Variants in BCORL1 observed in about 807,000 individuals in gnomAD.
The protein encoded by BCORL1 is BCL-6 corepressor-like protein 1.
A neutral mutation model predicts 87.6 loss-of-function variants in BCORL1; 7 were observed. The ratio of observed to expected loss-of-function variants is 0.08; its 90% CI spans 0.05 to 0.15. BCORL1 has a LOEUF of 0.15. Ranked by LOEUF, BCORL1 falls within the 10% of genes least tolerant of loss-of-function variation. BCORL1 has a pLI of 1.00. For synonymous variants in BCORL1, 591 were observed against 634.4 expected (o/e 0.93, Z 1.03); for missense variants, 1,215 against 1,499.7 (o/e 0.81, Z 3.13).
At chrX:130,017,361 A>T (rs891496784) in intron 4 of BCORL1, among the ~76,000 whole-genome samples, 3 of 110,528 alleles carry the variant, frequency 2.7e-5, no homozygotes, top group African/African-American at 9.9e-5. Context: ...AGAGCATATA[A>T]CGTTTGGCAG....
chrX:129,997,864 C>A (rs1285943737), intron 1 of BCORL1, among the ~76,000 whole-genome samples: 1 of 102,176 alleles, frequency 9.8e-6, no homozygotes, highest in Non-Finnish European at 2.0e-5. Context: ...TTCCCCTGTT[C>A]TGTAGTGTGG....
At chrX:130,010,268 G>A (rs1185169135) in intron 2 of BCORL1, among the ~76,000 whole-genome samples, 2 of 112,150 alleles carry the variant, frequency 1.8e-5, no homozygotes, top group Non-Finnish European at 3.8e-5. Flanking sequence ...TGGGGGAAGT[G>A]CTGCTTGTTT....
chrX:130,036,966 T>C (rs1930984250), intron 9 of BCORL1, among the ~76,000 whole-genome samples: 1 of 112,256 alleles, frequency 8.9e-6, no homozygotes, highest in South Asian at 3.7e-4. Flanking sequence ...GCCAACATAG[T>C]GAAATCTCAT....
chrX:130,026,334 G>A (rs1284915635), intron 7 of BCORL1, among the ~76,000 whole-genome samples: 1 of 112,179 alleles, frequency 8.9e-6, no homozygotes, highest in Non-Finnish European at 1.9e-5. Flanking sequence ...ATGCAAAGAC[G>A]GCTTAACCTC....
rs961199728 is a variant in BCORL1, at chrX:130,006,563, G to T, written c.86+1246G>T. Reference sequence around the variant, plus strand: ...TTTAGTAGAGACGGGGTTTCACCATGTTAGCCAGGATGGTCTCAATCTCCT... The same window carrying T: ...TTTAGTAGAGACGGGGTTTCACCATTTTAGCCAGGATGGTCTCAATCTCCT... On this transcript the variant is annotated intron_variant, in intron 2 of 13. Coordinates refer to ENST00000540052, the MANE Select transcript of BCORL1 (RefSeq NM_001379451.1). Among the ~76,000 whole-genome samples the T allele has an allele frequency of 2.7e-5, 3 of 110,642 alleles. No individual in the cohort carries two copies. In the East Asian group the frequency reaches 8.4e-4, roughly 31 times the overall value.
Position 129,995,576 on chromosome X carries a change from G to A in BCORL1, c.-44-9612G>A, listed in dbSNP as rs59056615. ...CTGCCTCAGCCTCCCGAGTAGCTGG[G>A]ATTACAGGCGCACACCACCATGCCC... On this transcript the variant is annotated intron_variant, in intron 1 of 13. Coordinates refer to ENST00000540052, the MANE Select transcript of BCORL1 (RefSeq NM_001379451.1). Among the ~76,000 whole-genome samples the A allele has an allele frequency of 7.4e-3, 817 of 110,802 alleles. 8 individuals carry two copies. The highest frequency in any genetic ancestry group is 0.025 in the African/African-American group (756 of 30,453).
At chrX:129,986,042 G>A (rs1281654709) in intron 1 of BCORL1, among the ~76,000 whole-genome samples, 4 of 110,820 alleles carry the variant, frequency 3.6e-5, no homozygotes, top group African/African-American at 1.3e-4. Flanking sequence ...GTAGAGACAG[G>A]GTTTCGCCAT....
intron 8 of BCORL1, 125 bp downstream of exon 8, chrX:130,028,986 T>G: frequency 3.6e-6 from 2 of 550,880 alleles, no homozygotes; most frequent in East Asian, 3.7e-5. Context: ...TCAAACTAGT[T>G]CTCGAAGGGT....
At chrX:130,037,608 C>CA in intron 10 of BCORL1, 75 bp downstream of exon 10, 2 of 1,097,826 alleles carry the variant, frequency 1.8e-6, no homozygotes, top group Non-Finnish European at 2.4e-6. Flanking sequence ...CCTTGCCTGC[C>CA]GCTGGCAGGC....
chrX:130,025,309 G>C lies in BCORL1; in HGVS notation c.4008G>C (p.Lys1336Asn), dbSNP rs1187104407. The C allele has an allele frequency of 8.4e-7, 1 of 1,193,720 alleles. No homozygotes were observed. The highest frequency in any genetic ancestry group is 2.3e-5 in the Admixed American group (1 of 43,111). ...LLKRKKRRRQ[K>N]SRKYQTGEYL... ...AGAGGAAGAAACGAAGACGGCAGAA[G>C]AGCCGAAAATATCAGACTGGGGAGT... Residue 1336 changes from lysine to asparagine, a missense_variant, in exon 7 of 14, where the codon AAG becomes AAC. Transcript: ENST00000540052.
chrX:130,043,746 T>TTATATATATATATATATATA (rs55637661), intron 11 of BCORL1, among the ~76,000 whole-genome samples: 4 of 17,472 alleles, frequency 2.3e-4, no homozygotes, highest in African/African-American at 4.1e-4. Context: ...AGCTAATTTG[T>TTATATATATATATATATATA]TATATATATA....
rs1402632193 is a variant in BCORL1, at chrX:130,057,337, C to T, written c.*1201C>T. On this transcript the variant is annotated 3_prime_UTR_variant, in exon 14 of 14. Transcript: ENST00000540052. Reference sequence around the variant, plus strand: ...CCTTGCTCCACTCATGCCTGGGGGCCTGGGGCTGAGTGGTATCCCTACCTG... The same window carrying T: ...CCTTGCTCCACTCATGCCTGGGGGCTTGGGGCTGAGTGGTATCCCTACCTG... 8.9e-6 allele frequency: 1 copy of T among 111,900 alleles called. No homozygotes were observed. Among genetic ancestry groups the T allele is most frequent in the Non-Finnish European group, 1.9e-5 (1 of 53,086 alleles). The allele number at this position is 111,900 out of a possible 1,213,427, so 9.2% of individuals were successfully genotyped here.
intron 1 of BCORL1, among the ~76,000 whole-genome samples, chrX:130,001,938 G>C (rs1181703780): frequency 9.0e-6 from 1 of 110,895 alleles, no homozygotes; most frequent in East Asian, 2.8e-4. Flanking sequence ...AGAGGGAGCA[G>C]TTAAGAGGTG....
intron 1 of BCORL1, among the ~76,000 whole-genome samples, chrX:129,982,992 A>G: frequency 9.7e-6 from 1 of 103,065 alleles, no homozygotes; most frequent in Non-Finnish European, 2.0e-5. Flanking sequence ...CCTTTCTCCA[A>G]CCCTGTTCCT....
At chrX:130,020,346 A>T (rs1341250509) in intron 4 of BCORL1, among the ~76,000 whole-genome samples, 3 of 111,822 alleles carry the variant, frequency 2.7e-5, no homozygotes, top group Non-Finnish European at 5.6e-5. Context: ...TAGAGATGAG[A>T]GCATTTGGAA....
Position 130,039,133 on chromosome X carries a change from A to T in BCORL1, c.4695-4A>T. 1 of 1,211,173 alleles carries T rather than the reference A, an allele frequency of 8.3e-7. No homozygotes were observed. Among genetic ancestry groups the T allele is most frequent in the Non-Finnish European group, 1.1e-6 (1 of 895,212 alleles). On this transcript the variant is annotated splice_region_variant and splice_polypyrimidine_tract_variant and intron_variant, in intron 10 of 13. Coordinates refer to ENST00000540052, the MANE Select transcript of BCORL1 (RefSeq NM_001379451.1). ...GTTATCCTCACCCTGTATCACCTCC[A>T]CAGGCCAGTTCATGATGCGGTGGTC...
At chrX:130,032,542 T>A (rs895603997) in intron 8 of BCORL1, among the ~76,000 whole-genome samples, 4 of 111,385 alleles carry the variant, frequency 3.6e-5, no homozygotes, top group Non-Finnish European at 7.5e-5. Context: ...CTACTCACTG[T>A]AGGAGGAAGG....
chrX:130,025,776 G>A lies in BCORL1; in HGVS notation c.4078+397G>A, dbSNP rs1374649791. 3.6e-5 allele frequency among the ~76,000 whole-genome samples: 4 copies of A among 110,778 alleles called. No individual in the cohort carries two copies. In the East Asian group the frequency reaches 8.5e-4, roughly 24 times the overall value. On this transcript the variant is annotated intron_variant, in intron 7 of 13. Transcript: ENST00000540052. ...TGGGTTCAAGAAGACAGAGGGCATC[G>A]GCTGCCTTTCCTGGGATACTTGCAG...
rs1932458521 is a variant in BCORL1, at chrX:130,057,459, A to C, written c.*1323A>C. On this transcript the variant is annotated 3_prime_UTR_variant, in exon 14 of 14. Transcript: ENST00000540052. ...TCCCTGTCCCCGCCCCCTCTGTGGC[A>C]TTGTCCCTCCCACTCTTATTTTTCT... The C allele has an allele frequency of 9.0e-6, 1 of 111,505 alleles. No individual in the cohort carries two copies. The highest frequency in any genetic ancestry group is 1.9e-5 in the Non-Finnish European group (1 of 53,058). The allele number at this position is 111,505 out of a possible 1,213,427, so 9.2% of individuals were successfully genotyped here. A position where few individuals can be genotyped will look rare whatever the true frequency, so the allele number is the denominator to read the frequency against.
Sources: allele counts gnomAD v4.1 joint callset (sites outside exome capture counted in the v4.1 genomes callset), GRCh38; gene constraint gnomAD v4.1.1; transcripts MANE v1.5; gene names NCBI Gene and HGNC (gene_info 2026-07-23, HGNC 2026-07-21).